CRACR2A: variants seen among roughly 807,000 people sequenced by gnomAD.
CRACR2A encodes calcium release activated channel regulator 2A, also known as EF-hand calcium-binding domain-containing protein 4B.
Under a neutral mutation model 90.5 loss-of-function variants are expected in CRACR2A, and 79 were observed. The ratio of observed to expected loss-of-function variants is 0.87; its 90% confidence interval spans 0.73 to 1.05. The LOEUF (loss-of-function observed/expected upper bound fraction) is 1.05. Ranked by LOEUF, CRACR2A falls within the 50% of genes least tolerant of loss-of-function variation. The pLI is 0.00. For synonymous variants in CRACR2A, 338 were observed against 356.7 expected (o/e 0.95, Z 0.59); for missense variants, 823 against 897.2 (o/e 0.92, Z 1.06).
intron 1 of CRACR2A, among the ~76,000 whole-genome samples, chr12:3,751,107 T>C (rs1238595549): frequency 6.6e-6 from 1 of 152,236 alleles, no homozygotes; most frequent in Non-Finnish European, 1.5e-5. Flanking sequence ...TTATTTTCTG[T>C]ATGACCTTGG....
chr12:3,660,994 G>C (rs1945023223), intron 7 of CRACR2A, among the ~76,000 whole-genome samples: 1 of 152,098 alleles, frequency 6.6e-6, no homozygotes, highest in Non-Finnish European at 1.5e-5. Context: ...AGTTTTAAGA[G>C]GTACTAGGAA....
chr12:3,720,738 T>A (rs1591710838), intron 2 of CRACR2A, among the ~76,000 whole-genome samples: 2 of 152,332 alleles, frequency 1.3e-5, no homozygotes, highest in Middle Eastern at 6.8e-3. Flanking sequence ...CAAGAGCCTC[T>A]TACATTTTAA....
At chr12:3,694,217 G>A (rs1357435941) in intron 4 of CRACR2A, among the ~76,000 whole-genome samples, 1 of 152,204 alleles carries the variant, frequency 6.6e-6, no homozygotes. Flanking sequence ...CCACCTGGCT[G>A]CGTCTAGTTG....
rs756655299 is a variant in CRACR2A, at chr12:3,633,677, G to T, written c.1662C>A (p.Ser554=). 13 of 1,551,754 alleles carry T rather than the reference G, an allele frequency of 8.4e-6. No individual in the cohort carries two copies. The highest frequency in any genetic ancestry group is 1.1e-5 in the Non-Finnish European group (13 of 1,147,020). The change falls in exon 15 of 20, where the codon TCC becomes TCA. Residue 554 remains serine (S), a synonymous_variant. Coordinates refer to ENST00000440314, the MANE Select transcript of CRACR2A (RefSeq NM_001144958.2). This position sits in a 1 kb window ranked among gnomAD's most constrained non-coding sequence, Gnocchi z 4.5. ...TCAGGAAGGATGTCTTCCCCACCGC[G>T]GAATTGCCCACGAACACAATCTTGA... ...RLFKIVFVGN[S]AVGKTSFLRR... is the part of the protein sequence containing the mutation.
At chr12:3,687,403 G>A (rs563128370) in intron 4 of CRACR2A, among the ~76,000 whole-genome samples, 3 of 152,182 alleles carry the variant, frequency 2.0e-5, no homozygotes, top group Non-Finnish European at 4.4e-5. Context: ...ATGTGTCCAT[G>A]TGTTCTCATC....
intron 3 of CRACR2A, among the ~76,000 whole-genome samples, chr12:3,709,097 G>C (rs1945973030): frequency 6.6e-6 from 1 of 152,196 alleles, no homozygotes; most frequent in Non-Finnish European, 1.5e-5. Context: ...CAATCTAGCA[G>C]GGGACAACGT....
chr12:3,671,485 G>A (rs1945241380), intron 7 of CRACR2A, among the ~76,000 whole-genome samples: 2 of 152,104 alleles, frequency 1.3e-5, no homozygotes, highest in South Asian at 4.2e-4. Context: ...TCCTGATTCC[G>A]AGCCTCCCAC....
At chr12:3,707,160 C>T (rs1296782049) in intron 3 of CRACR2A, among the ~76,000 whole-genome samples, 2 of 152,020 alleles carry the variant, frequency 1.3e-5, no homozygotes, top group East Asian at 3.9e-4. Context: ...GATGGAGGTG[C>T]ATTTGACTGC....
chr12:3,719,110 T>A (rs1946119515), intron 2 of CRACR2A, among the ~76,000 whole-genome samples: 1 of 152,194 alleles, frequency 6.6e-6, no homozygotes, highest in South Asian at 2.1e-4. Context: ...ACACAGCAGA[T>A]GTTATGATTA....
intron 8 of CRACR2A, among the ~76,000 whole-genome samples, chr12:3,658,647 T>C (rs1944961843): frequency 6.6e-6 from 1 of 152,096 alleles, no homozygotes; most frequent in South Asian, 2.1e-4. Flanking sequence ...AGCAGTGGTG[T>C]CGATAATCTG....
At chr12:3,720,119 C>A (rs1565500890) in intron 2 of CRACR2A, among the ~76,000 whole-genome samples, 4 of 125,286 alleles carry the variant, frequency 3.2e-5, no homozygotes, top group South Asian at 2.8e-4. Flanking sequence ...AACTCTATCT[C>A]AAGAAAGAAA....
At chr12:3,629,989 C>G (rs1944350955) in intron 15 of CRACR2A, among the ~76,000 whole-genome samples, 1 of 152,088 alleles carries the variant, frequency 6.6e-6, no homozygotes. Flanking sequence ...TTCTGAAATC[C>G]CAGGAGTCAG....
chr12:3,635,929 T>C (rs1196403793), intron 14 of CRACR2A, among the ~76,000 whole-genome samples: 1 of 152,232 alleles, frequency 6.6e-6, no homozygotes. Context: ...TTGAGATATA[T>C]AAAATTTTAT....
intron 7 of CRACR2A, among the ~76,000 whole-genome samples, chr12:3,662,950 T>C (rs1018302925): frequency 6.6e-6 from 1 of 152,264 alleles, no homozygotes; most frequent in African/African-American, 2.4e-5. Flanking sequence ...TATTGCCTAA[T>C]GCATATAAAT....
intron 2 of CRACR2A, among the ~76,000 whole-genome samples, chr12:3,723,067 T>C (rs1368061236): frequency 6.6e-6 from 1 of 152,200 alleles, no homozygotes; most frequent in Non-Finnish European, 1.5e-5. Context: ...TTTATGACCA[T>C]TGTAACTAAA....
At chr12:3,702,919 A>T (rs1286997130) in intron 3 of CRACR2A, among the ~76,000 whole-genome samples, 1 of 152,244 alleles carries the variant, frequency 6.6e-6, no homozygotes, top group Non-Finnish European at 1.5e-5. Flanking sequence ...AGACAGTGCT[A>T]CTGGCATAAA....
intron 6 of CRACR2A, among the ~76,000 whole-genome samples, chr12:3,676,019 C>G (rs944004334): frequency 4.6e-5 from 7 of 152,170 alleles, no homozygotes; most frequent in African/African-American, 1.7e-4. Flanking sequence ...CACTTCATCC[C>G]TCTCTCCCTC....
At chr12:3,739,895 C>T (rs181520889) in intron 1 of CRACR2A, among the ~76,000 whole-genome samples, 272 of 148,912 alleles carry the variant, frequency 1.8e-3, no homozygotes, top group African/African-American at 6.5e-3. Flanking sequence ...GATCACGCTA[C>T]AGCACTCCAG....
At chr12:3,645,557 C>T (rs1944668388) in intron 11 of CRACR2A, among the ~76,000 whole-genome samples, 1 of 152,150 alleles carries the variant, frequency 6.6e-6, no homozygotes, top group African/African-American at 2.4e-5. Flanking sequence ...GATCTGGCTT[C>T]AGTTTTCAAA....
Sources: gnomAD v4.1 joint callset for allele counts (sites outside exome capture counted in the v4.1 genomes callset) on GRCh38, gnomAD v4.1.1 for gene constraint, Gnocchi (gnomAD v3.1) non-coding constraint, MANE v1.5 for transcripts, NCBI Gene and HGNC (gene_info 2026-07-23, HGNC 2026-07-21) for gene names.